The following SORCS3 variants were observed in gnomAD, a reference collection of about 807,000 sequenced individuals.
SORCS3 encodes the protein sortilin related VPS10 domain containing receptor 3.
In SORCS3, 57 loss-of-function variants were observed where a neutral mutation model predicts 146.3. That is an observed-to-expected ratio of 0.39 (90% CI 0.31 to 0.49). The LOEUF (loss-of-function observed/expected upper bound fraction) is 0.49. Among genes scored for constraint, SORCS3 ranks in the 20% least tolerant of loss-of-function variants. The probability of loss-of-function intolerance (pLI) is 0.92; values close to 1 mark genes in which losing one functional copy is unlikely to be tolerated. For missense variants in SORCS3, 1,341 were observed against 1,575.5 expected, an observed-to-expected ratio of 0.85 and a Z score of 2.52; for synonymous variants, 653 against 618.5, an observed-to-expected ratio of 1.06 and a Z score of -0.83.
At chr10:105,230,950 C>T (rs1395768757) in intron 20 of SORCS3, among the ~76,000 whole-genome samples, 1 of 152,174 alleles carries the variant, frequency 6.6e-6, no homozygotes, top group Non-Finnish European at 1.5e-5. Context: ...TCAGGGCCCA[C>T]AATGGTCAAG....
chr10:104,645,819 G>T (rs2015489174), intron 1 of SORCS3, among the ~76,000 whole-genome samples: 1 of 152,162 alleles, frequency 6.6e-6, no homozygotes, highest in Non-Finnish European at 1.5e-5. Flanking sequence ...TGACAGATTT[G>T]ATCAGATTAA....
chr10:104,694,790 T>C (rs1197137846), intron 1 of SORCS3, among the ~76,000 whole-genome samples: 1 of 152,220 alleles, frequency 6.6e-6, no homozygotes, highest in Non-Finnish European at 1.5e-5. Flanking sequence ...CATTTCTGTC[T>C]CAGAGTCCTG....
At chr10:105,141,642 G>A (rs1439249524) in intron 8 of SORCS3, among the ~76,000 whole-genome samples, 3 of 152,156 alleles carry the variant, frequency 2.0e-5, no homozygotes, top group African/African-American at 7.2e-5. Context: ...AATGAAATGA[G>A]TGCCATTAAC....
At chr10:105,158,439 G>C (rs1457605876) in intron 10 of SORCS3, among the ~76,000 whole-genome samples, 2 of 152,222 alleles carry the variant, frequency 1.3e-5, no homozygotes, top group South Asian at 2.1e-4. Flanking sequence ...CAATCTGGCT[G>C]AAGAAGGTGG....
At chr10:104,710,394 C>G (rs954912383) in intron 1 of SORCS3, among the ~76,000 whole-genome samples, 2 of 152,116 alleles carry the variant, frequency 1.3e-5, no homozygotes, top group Admixed American at 6.5e-5. Context: ...TATGTATGTA[C>G]CAGGCACTGT....
chr10:105,011,881 T>A (rs1263827592), intron 4 of SORCS3, among the ~76,000 whole-genome samples: 1 of 152,210 alleles, frequency 6.6e-6, no homozygotes, highest in Non-Finnish European at 1.5e-5. Context: ...GTCTGTAATA[T>A]TTTTAAAAGT....
intron 2 of SORCS3, among the ~76,000 whole-genome samples, chr10:104,887,442 A>G (rs1046388986): frequency 5.3e-5 from 8 of 152,238 alleles, no homozygotes; most frequent in Non-Finnish European, 7.3e-5. Flanking sequence ...AAGAATAACT[A>G]AAGATATAGT....
intron 7 of SORCS3, among the ~76,000 whole-genome samples, chr10:105,133,611 CCTTA>C (rs1184025072): frequency 2.0e-5 from 3 of 152,124 alleles, no homozygotes; most frequent in Non-Finnish European, 4.4e-5. Flanking sequence ...AGTTTTATTA[CCTTA>C]CTTCTGCTCT....
intron 16 of SORCS3, among the ~76,000 whole-genome samples, chr10:105,201,884 G>C (rs1175571663): frequency 1.3e-5 from 2 of 152,080 alleles, no homozygotes. Flanking sequence ...AGCTTTTCTT[G>C]AATCCCCTTC....
chr10:104,978,183 A>G (rs560079326), intron 4 of SORCS3, among the ~76,000 whole-genome samples: 2 of 152,336 alleles, frequency 1.3e-5, no homozygotes, highest in Admixed American at 1.3e-4. Flanking sequence ...GCTAGAAGCT[A>G]GGAGCCAGGG....
intron 7 of SORCS3, among the ~76,000 whole-genome samples, chr10:105,109,676 A>G (rs1018123688): frequency 8.5e-5 from 13 of 152,080 alleles, no homozygotes; most frequent in African/African-American, 2.9e-4. Context: ...GACCAGTCTC[A>G]TATTTTTCAT....
At chr10:104,834,293 T>G (rs912672747) in intron 1 of SORCS3, among the ~76,000 whole-genome samples, 5 of 152,174 alleles carry the variant, frequency 3.3e-5, no homozygotes, top group Non-Finnish European at 7.3e-5. Context: ...GTACCAAGAT[T>G]CTTACAGTGC....
At chr10:104,822,155 T>G (rs1589512455) in intron 1 of SORCS3, 1 of 512,850 alleles carries the variant, frequency 1.9e-6, no homozygotes, top group South Asian at 1.4e-5. Flanking sequence ...AGTTTCTGTA[T>G]CTGTATCTGA....
chr10:105,156,090 A>G (rs1439949051), intron 9 of SORCS3, among the ~76,000 whole-genome samples: 1 of 152,208 alleles, frequency 6.6e-6, no homozygotes, highest in Non-Finnish European at 1.5e-5. Context: ...TCAGTTAACC[A>G]TGATACTGGA....
At chr10:104,795,638 G>A (rs1406583237) in intron 1 of SORCS3, among the ~76,000 whole-genome samples, 1 of 152,252 alleles carries the variant, frequency 6.6e-6, no homozygotes, top group African/African-American at 2.4e-5. Context: ...ACTAAATCCG[G>A]TATTTCAGCA....
chr10:105,156,909 T>A (rs1004865286), intron 9 of SORCS3, among the ~76,000 whole-genome samples: 1 of 151,196 alleles, frequency 6.6e-6, no homozygotes. Context: ...AAAAAACAGA[T>A]GGGTAAGCAT....
chr10:105,223,204 A>C lies in SORCS3; in HGVS notation c.2823A>C (p.Gln941His). Residue 941 changes from glutamine (Q) to histidine (H), a missense_variant, in exon 20 of 27, where the codon CAA becomes CAC. Coordinates refer to ENST00000369701, the MANE Select transcript of SORCS3 (RefSeq NM_014978.3). ...TCAGTGCAGTCGTGTGGCCCAGTCA[A>C]CTGGGGACCCTTACCTATTTCTGGT... ...VNISAVVWPS[Q>H]LGTLTYFWWF... is the part of the protein sequence containing the mutation. 6.2e-7 allele frequency: 1 copy of C among 1,613,362 alleles called. No individual in the cohort carries two copies. The highest frequency in any genetic ancestry group is 1.7e-4 in the Middle Eastern group (1 of 6,050).
At chr10:104,731,859 T>A (rs2016710097) in intron 1 of SORCS3, among the ~76,000 whole-genome samples, 1 of 152,160 alleles carries the variant, frequency 6.6e-6, no homozygotes, top group Non-Finnish European at 1.5e-5. Context: ...AGCCCTTCAT[T>A]CATCTCTGGT....
At chr10:104,708,370 A>C (rs2016371783) in intron 1 of SORCS3, among the ~76,000 whole-genome samples, 1 of 152,166 alleles carries the variant, frequency 6.6e-6, no homozygotes, top group African/African-American at 2.4e-5. Flanking sequence ...TCTTGCAATT[A>C]AGCACAGAAT....
Sources: gnomAD v4.1 joint callset for allele counts (sites outside exome capture counted in the v4.1 genomes callset) on GRCh38, gnomAD v4.1.1 for gene constraint, MANE v1.5 for transcripts, NCBI Gene and HGNC (gene_info 2026-07-23, HGNC 2026-07-21) for gene names.